TMEM207: variants seen among roughly 807,000 people sequenced by gnomAD.
TMEM207 encodes the protein transmembrane protein 207.
A neutral mutation model predicts 17.4 loss-of-function variants in TMEM207; 15 were observed. The ratio of observed to expected loss-of-function variants is 0.86; its 90% CI spans 0.58 to 1.33. TMEM207 has a LOEUF of 1.33. Among genes scored for constraint, TMEM207 ranks in the 40% most tolerant of loss-of-function variants. The pLI, the probability that TMEM207 is intolerant of heterozygous loss-of-function variation, is 0.00. For synonymous variants in TMEM207, 70 were observed against 65.6 expected (o/e 1.07, Z -0.33); for missense variants, 205 against 173.8 (o/e 1.18, Z -1.01).
At chr3:190,430,322 C>G (rs1719665801) in intron 4 of TMEM207, among the ~76,000 whole-genome samples, 1 of 151,788 alleles carries the variant, frequency 6.6e-6, no homozygotes, top group African/African-American at 2.4e-5. Context: ...ATAATATAGG[C>G]CATTAACTAT....
At chr3:190,445,256 A>G (rs1300896352) in intron 2 of TMEM207, among the ~76,000 whole-genome samples, 1 of 152,240 alleles carries the variant, frequency 6.6e-6, no homozygotes, top group Non-Finnish European at 1.5e-5. Flanking sequence ...TTTATATTTC[A>G]TAAATCAATC....
At chr3:190,432,320 T>C (rs1466399639) in intron 4 of TMEM207, among the ~76,000 whole-genome samples, 1 of 152,172 alleles carries the variant, frequency 6.6e-6, no homozygotes, top group Non-Finnish European at 1.5e-5. Context: ...AAGGACTGAA[T>C]TTGAGTCACA....
At chr3:190,435,611 G>T (rs1437293566) in intron 4 of TMEM207, among the ~76,000 whole-genome samples, 3 of 152,148 alleles carry the variant, frequency 2.0e-5, no homozygotes, top group African/African-American at 7.2e-5. Context: ...CACAGTAAGT[G>T]CCAGGGTCTC....
intron 4 of TMEM207, among the ~76,000 whole-genome samples, 188 bp from the exon 5 acceptor site, chr3:190,429,919 A>G (rs920264756): frequency 4.6e-5 from 7 of 152,152 alleles, no homozygotes; most frequent in African/African-American, 1.7e-4. Flanking sequence ...GGGGGGAAAA[A>G]AAAAATTGCT....
At position 190,444,404 on chromosome 3, in the gene TMEM207, G is replaced by A. The variant is rs1159777041; in HGVS notation, c.114-2922C>T. On this transcript the variant is annotated intron_variant, in intron 2 of 4. Transcript: ENST00000354905. ...TATCACCATGTCGTGGTGCGACTGG[G>A]ACAGTAATAGCCAGCTCTAACCTCA... 4 of 984,934 alleles carry A rather than the reference G, an allele frequency of 4.1e-6. No individual in the cohort carries two copies. In the African/African-American group the frequency reaches 5.2e-5, roughly 13 times the overall value. The allele number at this position is 984,934 out of a possible 1,614,324, so 61.0% of individuals were successfully genotyped here.
intron 2 of TMEM207, chr3:190,444,333 A>C (rs905723293): frequency 2.0e-4 from 151 of 752,758 alleles, no homozygotes; most frequent in Non-Finnish European, 2.2e-4. Flanking sequence ...AAGTGGTAGA[A>C]GTAGGTTTTC....
chr3:190,440,334 A>G lies in TMEM207; in HGVS notation c.214T>C (p.Cys72Arg), dbSNP rs771147980. 2 of 1,613,988 alleles carry G rather than the reference A, an allele frequency of 1.2e-6. No individual in the cohort carries two copies. The highest frequency in any genetic ancestry group is 1.7e-6 in the Non-Finnish European group (2 of 1,179,988). Residue 72 changes from cysteine to arginine, a missense_variant, in exon 4 of 5, where the codon TGC (cysteine) becomes CGC (arginine). Cys to Arg is a radical substitution (Grantham distance 180, BLOSUM62 -3). Coordinates refer to ENST00000354905, the MANE Select transcript of TMEM207 (RefSeq NM_207316.3). ...AALLCGAVVLCLQCWLRRPRI... is the reference protein window; with the variant it reads ...AALLCGAVVLRLQCWLRRPRI... The stretch of plus-strand genomic sequence containing the variant: ...GGTCTCCTCAGCCAGCACTGGAGGC[A>G]GAGGACCACAGCTCCACAGAGAAGA...
chr3:190,440,219 G>A (rs1048900189), intron 4 of TMEM207, 25 bp downstream of exon 4: 1 of 1,604,618 alleles, frequency 6.2e-7, no homozygotes, highest in Admixed American at 1.7e-5. Flanking sequence ...TCAAAAAAGA[G>A]TCCAGAAGCG....
chr3:190,440,482 G>T, intron 3 of TMEM207, 93 bp from the exon 4 acceptor site: 1 of 1,192,862 alleles, frequency 8.4e-7, no homozygotes, highest in Non-Finnish European at 1.1e-6. Context: ...TGAAGACTCA[G>T]CTAGACTGGC....
In TMEM207 at chr3:190,429,400, C is replaced by T; in HGVS notation, c.*195G>A. ...TGATACAGCAGTGACACATCAAAAG[C>T]CTGCTACTTTACTATTTAAACATCT... On this transcript the variant is annotated 3_prime_UTR_variant, in exon 5 of 5. Coordinates refer to ENST00000354905, the MANE Select transcript of TMEM207 (RefSeq NM_207316.3). 1 of 612,532 alleles carries T rather than the reference C, an allele frequency of 1.6e-6. No individual in the cohort carries two copies. Among genetic ancestry groups the T allele is most frequent in the Non-Finnish European group, 2.8e-6 (1 of 359,238 alleles). 37.9% of individuals were successfully genotyped at this position (612,532 alleles called of 1,614,324 possible). A position where few individuals can be genotyped will look rare whatever the true frequency, so the allele number is the denominator to read the frequency against.
chr3:190,430,805 G>A (rs1245527768), intron 4 of TMEM207, among the ~76,000 whole-genome samples: 2 of 152,078 alleles, frequency 1.3e-5, no homozygotes, highest in Non-Finnish European at 2.9e-5. Context: ...ATTTTGCAAA[G>A]CCAAAAATAT....
chr3:190,445,258 A>G lies in TMEM207; in HGVS notation c.113+2532T>C, dbSNP rs561936826. On this transcript the variant is annotated intron_variant, in intron 2 of 4. Transcript: ENST00000354905. The stretch of plus-strand genomic sequence containing the variant: ...ATGTATAGTCATATTTATATTTCAT[A>G]AATCAATCTATTTTTGTTCATTCAT... 7.5e-4 allele frequency among the ~76,000 whole-genome samples: 115 copies of G among 152,362 alleles called. No individual in the cohort carries two copies. The South Asian group carries it at 9.9e-3, about 13-fold the overall frequency.
chr3:190,440,069 T>C (rs1719894790), intron 4 of TMEM207, among the ~76,000 whole-genome samples, 175 bp downstream of exon 4: 1 of 152,190 alleles, frequency 6.6e-6, no homozygotes, highest in South Asian at 2.1e-4. Context: ...TCTTCTGGGA[T>C]TGTCTTTCTT....
At chr3:190,442,543 C>T (rs995882746) in intron 2 of TMEM207, among the ~76,000 whole-genome samples, 3 of 152,178 alleles carry the variant, frequency 2.0e-5, no homozygotes, top group African/African-American at 7.2e-5. Flanking sequence ...AAACCAATCA[C>T]CCAGCCTACA....
At chr3:190,438,173 C>T (rs753525176) in intron 4 of TMEM207, among the ~76,000 whole-genome samples, 1 of 151,636 alleles carries the variant, frequency 6.6e-6, no homozygotes, top group East Asian at 1.9e-4. Flanking sequence ...GTGTAGCACA[C>T]CAGCATGGCA....
chr3:190,446,024 C>T (rs1334437004), intron 2 of TMEM207, among the ~76,000 whole-genome samples: 1 of 152,174 alleles, frequency 6.6e-6, no homozygotes, highest in Non-Finnish European at 1.5e-5. Flanking sequence ...CCAAGTCTCC[C>T]TTTTCTGTGT....
chr3:190,444,457 G>A, intron 2 of TMEM207: 1 of 984,478 alleles, frequency 1.0e-6, no homozygotes, highest in Non-Finnish European at 1.2e-6. Flanking sequence ...TTGCCTGAAT[G>A]AATCCAGTAT....
chr3:190,447,222 G>A (rs1464680706), intron 2 of TMEM207, among the ~76,000 whole-genome samples: 2 of 152,104 alleles, frequency 1.3e-5, no homozygotes, highest in Non-Finnish European at 2.9e-5. Flanking sequence ...ATGAATTACA[G>A]ATATTAATTA....
Position 190,449,789 on chromosome 3 carries a change from GA to G in TMEM207, c.20del (p.Phe7SerfsTer10), listed in dbSNP as rs759347978. MSRSRL[F>X]SVTSAISTIG... Reference sequence around the variant, plus strand: ...TCGTTGAGATCGCTGAGGTGACACTGAAAAGTCTGGATCTTGACATATTTAA... The same window carrying G: ...TCGTTGAGATCGCTGAGGTGACACTGAAAGTCTGGATCTTGACATATTTAA... On this transcript the variant is annotated frameshift_variant, in exon 1 of 5. Coordinates refer to ENST00000354905, the MANE Select transcript of TMEM207 (RefSeq NM_207316.3). LOFTEE classifies it high-confidence loss of function. 7 of 1,613,716 alleles carry G rather than the reference GA, an allele frequency of 4.3e-6. No individual in the cohort carries two copies. Among genetic ancestry groups the G allele is most frequent in the Non-Finnish European group, 2.5e-6 (3 of 1,179,806 alleles).
Sources: allele counts gnomAD v4.1 joint callset (sites outside exome capture counted in the v4.1 genomes callset), GRCh38; gene constraint gnomAD v4.1.1; transcripts MANE v1.5; gene names NCBI Gene and HGNC (gene_info 2026-07-23, HGNC 2026-07-21).